ARHGAP26: variants seen among roughly 807,000 people sequenced by gnomAD.
ARHGAP26 encodes rho GTPase-activating protein 26.
Under a neutral mutation model 104.8 loss-of-function variants are expected in ARHGAP26, and 38 were observed. The ratio of observed to expected loss-of-function variants is 0.36; its 90% CI spans 0.28 to 0.48. The LOEUF (loss-of-function observed/expected upper bound fraction) is 0.48. ARHGAP26 is among the 20% of genes least tolerant of loss of function. The probability of loss-of-function intolerance (pLI) is 0.99; values close to 1 mark genes in which losing one functional copy is unlikely to be tolerated. For missense variants in ARHGAP26, 704 were observed against 947.9 expected (o/e 0.74, Z 3.38); for synonymous variants, 341 against 340.0 (o/e 1.00, Z -0.03).
chr5:142,902,054 G>A lies in ARHGAP26; in HGVS notation c.702+15G>A. ...GCATACAGAACGTGAGTGGGCATAG[G>A]GACAGGCTTCTTTTATCTGGTTAAG... On this transcript the variant is annotated intron_variant, in intron 7 of 22. Coordinates refer to ENST00000645722, the MANE Select transcript of ARHGAP26 (RefSeq NM_001135608.3). 6.2e-7 allele frequency: 1 copy of A among 1,605,354 alleles called. No homozygotes were observed. Among genetic ancestry groups the A allele is most frequent in the Non-Finnish European group, 8.5e-7 (1 of 1,173,214 alleles).
chr5:143,057,735 A>G lies in ARHGAP26; in HGVS notation c.1526A>G (p.Asn509Ser). The G allele has an allele frequency of 2.5e-6, 4 of 1,613,830 alleles. No homozygotes were observed. Among genetic ancestry groups the G allele is most frequent in the Non-Finnish European group, 3.4e-6 (4 of 1,179,808 alleles). ...CGGCAGATGTTACAGCTGCTCATGA[A>G]CCACTTGGCAAAGTAGGTTTAAGAC... ...KNRQMLQLLM[N>S]HLANVANNHK... Residue 509 changes from asparagine (N) to serine (S), a missense_variant, in exon 17 of 23, where the codon AAC becomes AGC. By Grantham distance (46) the Asn-to-Ser change is conservative (BLOSUM62 1). Coordinates refer to ENST00000645722, the MANE Select transcript of ARHGAP26 (RefSeq NM_001135608.3).
chr5:142,823,579 T>C (rs746641954), intron 1 of ARHGAP26, among the ~76,000 whole-genome samples: 1 of 152,108 alleles, frequency 6.6e-6, no homozygotes, highest in East Asian at 1.9e-4. Context: ...GGCAAACTAA[T>C]CTCAAAGCAC....
intron 8 of ARHGAP26, among the ~76,000 whole-genome samples, chr5:142,905,116 C>T (rs956338610): frequency 6.6e-6 from 1 of 152,126 alleles, no homozygotes; most frequent in African/African-American, 2.4e-5. Flanking sequence ...CCCCTCTTTG[C>T]CCAGTGAGAA....
At chr5:142,877,022 C>G (rs1182365327) in intron 3 of ARHGAP26, among the ~76,000 whole-genome samples, 1 of 151,902 alleles carries the variant, frequency 6.6e-6, no homozygotes, top group Non-Finnish European at 1.5e-5. Context: ...GAGTCTGATT[C>G]TTGGCTGAGT....
At chr5:143,136,653 A>C (rs921524868) in intron 19 of ARHGAP26, among the ~76,000 whole-genome samples, 1 of 152,096 alleles carries the variant, frequency 6.6e-6, no homozygotes, top group Non-Finnish European at 1.5e-5. Context: ...ACTGGGGAAG[A>C]CTGAGCTAGG....
intron 12 of ARHGAP26, among the ~76,000 whole-genome samples, chr5:143,021,507 A>G (rs1452005315): frequency 6.6e-6 from 1 of 152,204 alleles, no homozygotes; most frequent in Non-Finnish European, 1.5e-5. Flanking sequence ...ATCTCAGATC[A>G]TTCTCTTTGG....
intron 17 of ARHGAP26, among the ~76,000 whole-genome samples, chr5:143,092,118 G>A (rs540836834): frequency 6.7e-6 from 1 of 148,598 alleles, no homozygotes; most frequent in African/African-American, 2.5e-5. Context: ...ACAATTCTTC[G>A]ACATGCCTCA....
intron 6 of ARHGAP26, among the ~76,000 whole-genome samples, chr5:142,897,240 G>T (rs907409829): frequency 6.6e-6 from 1 of 152,174 alleles, no homozygotes; most frequent in African/African-American, 2.4e-5. Flanking sequence ...ATGTTTTTCA[G>T]TTCATACAGT....
chr5:143,221,378 GA>G (rs1811101633), intron 22 of ARHGAP26, among the ~76,000 whole-genome samples: 1 of 108,658 alleles, frequency 9.2e-6, no homozygotes, highest in Admixed American at 1.1e-4. Context: ...GGGTGTGAGT[GA>G]AACAGAGAAA....
At chr5:143,127,982 T>G (rs910017036) in intron 18 of ARHGAP26, among the ~76,000 whole-genome samples, 2 of 152,234 alleles carry the variant, frequency 1.3e-5, no homozygotes, top group Non-Finnish European at 2.9e-5. Flanking sequence ...TCAATTTTTA[T>G]TTTTAAATTT....
chr5:143,054,023 G>GT (rs954987980), intron 14 of ARHGAP26, among the ~76,000 whole-genome samples: 6 of 151,842 alleles, frequency 4.0e-5, no homozygotes, highest in African/African-American at 1.2e-4. Context: ...TTTTTTTGTT[G>GT]TTTTTTCTGC....
At position 142,779,090 on chromosome 5, in the gene ARHGAP26, C is replaced by A. The variant is rs1756961654; in HGVS notation, c.154+8175C>A. ...AGGTCAGATGGGAGATGGGATGGGGCTTTGCCCATATCTAAGAGTCTATTC... is the reference window on the plus strand; with the variant it reads ...AGGTCAGATGGGAGATGGGATGGGGATTTGCCCATATCTAAGAGTCTATTC... On this transcript the variant is annotated intron_variant, in intron 1 of 22. Coordinates refer to ENST00000645722, the MANE Select transcript of ARHGAP26 (RefSeq NM_001135608.3). Among the ~76,000 whole-genome samples the A allele has an allele frequency of 2.6e-5, 4 of 152,114 alleles. No individual in the cohort carries two copies. The South Asian group carries it at 8.3e-4, about 31-fold the overall frequency.
chr5:142,996,802 G>T (rs900497756), intron 11 of ARHGAP26, among the ~76,000 whole-genome samples: 4 of 152,178 alleles, frequency 2.6e-5, no homozygotes, highest in African/African-American at 7.2e-5. Context: ...GGCACCATCT[G>T]CATGGAGGCA....
chr5:142,860,606 A>G (rs1937612630), intron 1 of ARHGAP26: 1 of 152,236 alleles, frequency 6.6e-6, no homozygotes, highest in South Asian at 2.1e-4. Context: ...TGTAGGCTTC[A>G]GAATAAGGAG....
chr5:142,774,914 G>T (rs974996102), intron 1 of ARHGAP26, among the ~76,000 whole-genome samples: 1 of 151,932 alleles, frequency 6.6e-6, no homozygotes, highest in African/African-American at 2.4e-5. Flanking sequence ...TGGCTGGGTA[G>T]CTCATTTCTT....
intron 20 of ARHGAP26, among the ~76,000 whole-genome samples, chr5:143,147,792 A>G (rs1296847468): frequency 1.3e-5 from 2 of 152,182 alleles, no homozygotes; most frequent in Non-Finnish European, 2.9e-5. Context: ...GAAATGTTCA[A>G]TGCCAACTCC....
chr5:143,106,824 G>A (rs1340245757), intron 17 of ARHGAP26, among the ~76,000 whole-genome samples: 1 of 152,100 alleles, frequency 6.6e-6, no homozygotes, highest in Non-Finnish European at 1.5e-5. Flanking sequence ...GCTTGTGGTT[G>A]AAGATACAAC....
intron 1 of ARHGAP26, among the ~76,000 whole-genome samples, chr5:142,841,374 C>T (rs1198676858): frequency 6.6e-6 from 1 of 152,194 alleles, no homozygotes; most frequent in Non-Finnish European, 1.5e-5. Context: ...AACACCTAGA[C>T]TGGAAGATAT....
rs1219314892 is a variant in ARHGAP26, at chr5:143,226,573, T to TG, written c.*4128dup. 1.9e-5 allele frequency: 4 copies of TG among 206,216 alleles called. No individual in the cohort carries two copies. In the Admixed American group the frequency reaches 2.4e-4, roughly 12 times the overall value. 12.8% of individuals were successfully genotyped at this position (206,216 alleles called of 1,614,324 possible). ...CCCCCAGGCAAGTAAAACCCTGACT[T>TG]GCTCAAGACAGAAGATCTTTTCTCC... On this transcript the variant is annotated 3_prime_UTR_variant, in exon 23 of 23. Coordinates refer to ENST00000645722, the MANE Select transcript of ARHGAP26 (RefSeq NM_001135608.3).
Sources: allele counts gnomAD v4.1 joint callset (sites outside exome capture counted in the v4.1 genomes callset), GRCh38; gene constraint gnomAD v4.1.1; transcripts MANE v1.5; gene names NCBI Gene and HGNC (gene_info 2026-07-23, HGNC 2026-07-21).